Variants in EEF1AKMT1 observed in about 807,000 individuals in gnomAD.
EEF1AKMT1 encodes the protein N-6 adenine-specific DNA methyltransferase 2 (putative).
A neutral mutation model predicts 21.0 loss-of-function variants in EEF1AKMT1; 18 were observed. The ratio of observed to expected loss-of-function variants is 0.86; its 90% CI spans 0.59 to 1.27. The LOEUF is 1.27. EEF1AKMT1 is among the 50% of genes most tolerant of loss of function. The probability of loss-of-function intolerance (pLI) is 0.00; values close to 1 mark genes in which losing one functional copy is unlikely to be tolerated. For missense variants in EEF1AKMT1, 246 were observed against 258.6 expected, an observed-to-expected ratio of 0.95 and a Z score of 0.33; for synonymous variants, 109 against 94.8, an observed-to-expected ratio of 1.15 and a Z score of -0.87.
intron 2 of EEF1AKMT1, among the ~76,000 whole-genome samples, chr13:20,756,439 C>T: frequency 6.6e-6 from 1 of 152,140 alleles, no homozygotes; most frequent in East Asian, 1.9e-4. Context: ...TTTTTCAATA[C>T]ATGTTTAAGT....
chr13:20,733,913 C>A (rs1371828232), intron 3 of EEF1AKMT1, among the ~76,000 whole-genome samples: 2 of 152,184 alleles, frequency 1.3e-5, no homozygotes, highest in African/African-American at 4.8e-5. Flanking sequence ...ACTTAGGTAC[C>A]CATGCCGGGC....
At chr13:20,731,148 C>T (rs183187735) in intron 4 of EEF1AKMT1, among the ~76,000 whole-genome samples, 153 of 151,254 alleles carry the variant, frequency 1.0e-3, no homozygotes, top group African/African-American at 3.5e-3. Flanking sequence ...TCCCAAATGG[C>T]GGGGAGGCCC....
intron 2 of EEF1AKMT1, among the ~76,000 whole-genome samples, chr13:20,738,025 C>A (rs765061369): frequency 3.3e-5 from 5 of 152,108 alleles, no homozygotes; most frequent in Non-Finnish European, 7.4e-5. Context: ...TTAATGAAAT[C>A]TAGGCACTGA....
At chr13:20,768,007 C>G (rs1239194088) in intron 1 of EEF1AKMT1, among the ~76,000 whole-genome samples, 3 of 152,198 alleles carry the variant, frequency 2.0e-5, no homozygotes, top group Non-Finnish European at 4.4e-5. Flanking sequence ...ATTTCCAGTT[C>G]ACATGTTCAA....
At chr13:20,757,411 T>C in intron 2 of EEF1AKMT1, 44 bp downstream of exon 2, 2 of 1,607,482 alleles carry the variant, frequency 1.2e-6, no homozygotes, top group Non-Finnish European at 1.7e-6. Flanking sequence ...CAGAGTAGGT[T>C]CCACATCAAT....
chr13:20,735,432 A>G (rs940695732), intron 3 of EEF1AKMT1, among the ~76,000 whole-genome samples: 2 of 152,118 alleles, frequency 1.3e-5, no homozygotes, highest in Admixed American at 6.6e-5. Flanking sequence ...ACCATGTGGA[A>G]ATTAGGAGGA....
At chr13:20,767,253 C>A (rs1225169750) in intron 1 of EEF1AKMT1, among the ~76,000 whole-genome samples, 3 of 145,490 alleles carry the variant, frequency 2.1e-5, no homozygotes, top group Non-Finnish European at 4.5e-5. Flanking sequence ...TTGCAGCGAG[C>A]CTAGATCTTG....
intron 2 of EEF1AKMT1, among the ~76,000 whole-genome samples, chr13:20,741,369 C>A (rs893929644): frequency 1.3e-5 from 2 of 151,976 alleles, no homozygotes; most frequent in Non-Finnish European, 2.9e-5. Flanking sequence ...CATCTTACAC[C>A]CACTTTCTTT....
intron 1 of EEF1AKMT1, among the ~76,000 whole-genome samples, chr13:20,764,643 T>A (rs2059017826): frequency 6.6e-6 from 1 of 152,164 alleles, no homozygotes; most frequent in Non-Finnish European, 1.5e-5. Context: ...TCCTTTCAGT[T>A]CTATCAGTTT....
intron 1 of EEF1AKMT1, among the ~76,000 whole-genome samples, chr13:20,763,784 G>A (rs1183198478): frequency 6.6e-6 from 1 of 152,042 alleles, no homozygotes; most frequent in African/African-American, 2.4e-5. Flanking sequence ...GCCTTTAACT[G>A]CAAATTCAAT....
At chr13:20,754,192 G>C (rs772772558) in intron 2 of EEF1AKMT1, among the ~76,000 whole-genome samples, 3 of 151,908 alleles carry the variant, frequency 2.0e-5, no homozygotes, top group Non-Finnish European at 2.9e-5. Context: ...GCTTTTACTT[G>C]TCTGGGAGTC....
At chr13:20,765,602 T>A (rs9506551) in intron 1 of EEF1AKMT1, among the ~76,000 whole-genome samples, 1 of 151,198 alleles carries the variant, frequency 6.6e-6, no homozygotes, top group Non-Finnish European at 1.5e-5. Context: ...TTAGTAGAGA[T>A]GGGATTCACC....
chr13:20,739,102 C>T (rs570603171), intron 2 of EEF1AKMT1, among the ~76,000 whole-genome samples: 2 of 152,214 alleles, frequency 1.3e-5, no homozygotes, highest in Admixed American at 6.5e-5. Flanking sequence ...AAGCTGCAGA[C>T]CTTCGCCAAG....
intron 2 of EEF1AKMT1, among the ~76,000 whole-genome samples, chr13:20,742,381 T>C (rs1294404453): frequency 6.6e-6 from 1 of 152,104 alleles, no homozygotes; most frequent in Non-Finnish European, 1.5e-5. Flanking sequence ...AGGTGTCAAA[T>C]AGAACTAGCT....
At chr13:20,766,681 G>A (rs1482878715) in intron 1 of EEF1AKMT1, among the ~76,000 whole-genome samples, 3 of 152,012 alleles carry the variant, frequency 2.0e-5, no homozygotes, top group African/African-American at 7.2e-5. Flanking sequence ...AATTAGCCAG[G>A]TGTGATGGCA....
chr13:20,765,405 GTTTTTTTTTTTTTTTT>G (rs1171165259), intron 1 of EEF1AKMT1, among the ~76,000 whole-genome samples: 1 of 58,678 alleles, frequency 1.7e-5, no homozygotes. Flanking sequence ...CTTCCCTTGG[GTTTTTTTTTTTTTTTT>G]TTTTTTTTTG....
At chr13:20,770,882 A>T (rs954072701) in intron 1 of EEF1AKMT1, among the ~76,000 whole-genome samples, 1 of 145,686 alleles carries the variant, frequency 6.9e-6, no homozygotes, top group Non-Finnish European at 1.5e-5. Context: ...TGACATATAA[A>T]TTTTTTTTTT....
rs528636685 is a variant in EEF1AKMT1 at position 20,734,362 on chromosome 13, G to A, written c.228-2241C>T. On this transcript the variant is annotated intron_variant, in intron 3 of 4. Coordinates refer to ENST00000382758, the MANE Select transcript of EEF1AKMT1 (RefSeq NM_001318939.2). ...AGGCAGCAGTGGGATCAGAGAACCT[G>A]TGTTGAAAGCCTAGCTTTGCCACTT... Among the ~76,000 whole-genome samples the A allele has an allele frequency of 2.0e-5, 3 of 152,148 alleles. No homozygotes were observed. In the South Asian group the frequency reaches 6.2e-4, roughly 32 times the overall value.
At chr13:20,768,725 G>A (rs1182707593) in intron 1 of EEF1AKMT1, among the ~76,000 whole-genome samples, 1 of 152,082 alleles carries the variant, frequency 6.6e-6, no homozygotes, top group Non-Finnish European at 1.5e-5. Context: ...GGCTTAGATG[G>A]TAAATAGTGT....
Sources: gnomAD v4.1 joint callset for allele counts (sites outside exome capture counted in the v4.1 genomes callset) on GRCh38, gnomAD v4.1.1 for gene constraint, MANE v1.5 for transcripts, NCBI Gene and HGNC (gene_info 2026-07-23, HGNC 2026-07-21) for gene names.